Variants in NEO1 observed in about 807,000 individuals in gnomAD.
NEO1 encodes the protein neogenin.
Under a neutral mutation model 159.7 loss-of-function variants are expected in NEO1, and 63 were observed. The observed-to-expected ratio is 0.39, with a 90% CI of 0.32 to 0.49. The LOEUF is 0.49. Ranked by LOEUF, NEO1 falls within the 20% of genes least tolerant of loss-of-function variation. The pLI is 0.85. For synonymous variants in NEO1, 633 were observed against 662.0 expected (o/e 0.96, Z 0.67); for missense variants, 1,615 against 1,831.0 (o/e 0.88, Z 2.15).
At chr15:73,250,835 A>G (rs2150943838) in intron 11 of NEO1, among the ~76,000 whole-genome samples, 1 of 152,344 alleles carries the variant, frequency 6.6e-6, no homozygotes, top group East Asian at 1.9e-4. Flanking sequence ...CACTATTGGT[A>G]TAATTACTTA....
intron 11 of NEO1, among the ~76,000 whole-genome samples, chr15:73,251,639 TTACTG>T (rs1404795051): frequency 2.0e-5 from 3 of 151,886 alleles, no homozygotes; most frequent in African/African-American, 7.3e-5. Flanking sequence ...AAAAAAATGT[TTACTG>T]TAGGCTGTTA....
At chr15:73,088,857 TAA>T (rs1195769350) in intron 1 of NEO1, among the ~76,000 whole-genome samples, 1 of 151,574 alleles carries the variant, frequency 6.6e-6, no homozygotes, top group Non-Finnish European at 1.5e-5. Context: ...TAAGAGAGAG[TAA>T]AGTCTTGAGG....
intron 25 of NEO1, among the ~76,000 whole-genome samples, chr15:73,291,163 G>A (rs977501646): frequency 2.0e-5 from 3 of 152,106 alleles, no homozygotes; most frequent in African/African-American, 7.2e-5. Context: ...CCCAAGAAGA[G>A]TAAATTAATC....
At chr15:73,274,111 A>AT (rs2041297791) in intron 20 of NEO1, 106 bp downstream of exon 20, 1 of 1,070,772 alleles carries the variant, frequency 9.3e-7, no homozygotes, top group African/African-American at 1.6e-5. Context: ...TGAAGTCTTA[A>AT]TGATGAGCTT....
chr15:73,092,512 C>A (rs1460806134), intron 1 of NEO1, among the ~76,000 whole-genome samples: 1 of 152,096 alleles, frequency 6.6e-6, no homozygotes, highest in East Asian at 1.9e-4. Context: ...TGAAAATGTT[C>A]ATTTTTAAAT....
At chr15:73,255,308 G>C (rs1327848795) in intron 13 of NEO1, 1 of 152,758 alleles carries the variant, frequency 6.5e-6, no homozygotes, top group Non-Finnish European at 1.5e-5. Flanking sequence ...TAAAGTTTTA[G>C]AAAATACTAT....
intron 1 of NEO1, among the ~76,000 whole-genome samples, chr15:73,099,522 C>T (rs980682780): frequency 6.6e-6 from 1 of 152,120 alleles, no homozygotes; most frequent in Non-Finnish European, 1.5e-5. Context: ...ATATAAGATT[C>T]ATTATTAAGG....
chr15:73,270,155 C>T lies in NEO1; in HGVS notation c.2640C>T (p.Pro880=). 6.2e-7 allele frequency: 1 copy of T among 1,614,096 alleles called. No individual in the cohort carries two copies. The highest frequency in any genetic ancestry group is 8.5e-7 in the Non-Finnish European group (1 of 1,180,030). Residue 880 remains proline, a synonymous_variant, in exon 17 of 29, where the codon CCC becomes CCT. Coordinates refer to ENST00000261908, the MANE Select transcript of NEO1 (RefSeq NM_002499.4). ...IRITWADNSL[P]KHQKITDSRY... ...TTACGTGGGCAGACAACTCGCTGCC[C>T]AAGCACCAGAAGATTACAGACTCCC...
intron 1 of NEO1, among the ~76,000 whole-genome samples, chr15:73,077,450 A>G (rs1179903925): frequency 6.6e-6 from 1 of 152,240 alleles, no homozygotes; most frequent in Non-Finnish European, 1.5e-5. Context: ...TTTCACAGAG[A>G]AGAACACATA....
intron 5 of NEO1, among the ~76,000 whole-genome samples, chr15:73,154,082 T>C (rs1348675757): frequency 2.6e-5 from 4 of 152,190 alleles, no homozygotes; most frequent in Admixed American, 2.0e-4. Flanking sequence ...AACAAGAAAG[T>C]ATTTTCACAT....
In NEO1 at chr15:73,218,901, G is replaced by GT. The variant is rs995798354; in HGVS notation, c.1292-17440dup. On this transcript the variant is annotated intron_variant, in intron 7 of 28. Coordinates refer to ENST00000261908, the MANE Select transcript of NEO1 (RefSeq NM_002499.4). ...CCTGGATTCATTAATTTTTTGAAGG[G>GT]TTTTTTGTATCTCTATCTCCTTCAG... Among the ~76,000 whole-genome samples the GT allele has an allele frequency of 4.8e-3, 736 of 152,202 alleles. 16 individuals carry two copies. Among genetic ancestry groups the GT allele is most frequent in the African/African-American group, 0.016 (679 of 41,506 alleles).
chr15:73,124,429 T>G (rs1163661894), intron 3 of NEO1, among the ~76,000 whole-genome samples: 1 of 152,168 alleles, frequency 6.6e-6, no homozygotes, highest in Non-Finnish European at 1.5e-5. Flanking sequence ...TCCATGTCAT[T>G]CAGAGTTAAA....
At chr15:73,139,375 A>G (rs1283141444) in intron 5 of NEO1, among the ~76,000 whole-genome samples, 2 of 152,230 alleles carry the variant, frequency 1.3e-5, no homozygotes, top group African/African-American at 2.4e-5. Flanking sequence ...GAAACAATCA[A>G]CAGTGAAGAG....
intron 4 of NEO1, among the ~76,000 whole-genome samples, chr15:73,132,714 G>T (rs2031286178): frequency 6.6e-6 from 1 of 152,136 alleles, no homozygotes; most frequent in African/African-American, 2.4e-5. Context: ...CCATCAAAAA[G>T]TGGGCTAAGG....
rs1200718911 is a variant in NEO1 at position 73,089,383 on chromosome 15, TA to T, written c.131-27156del. On this transcript the variant is annotated intron_variant, in intron 1 of 28. Transcript: ENST00000261908. ...TAGAGAAAAAATATCTCCTAGGCAATATTTTTTTTTCTGCATATAAATGAAA... is the reference window on the plus strand; with the variant it reads ...TAGAGAAAAAATATCTCCTAGGCAATTTTTTTTTTCTGCATATAAATGAAA... Among the ~76,000 whole-genome samples, 10 of 152,246 alleles carry T rather than the reference TA, an allele frequency of 6.6e-5. No individual in the cohort carries two copies. In the South Asian group the frequency reaches 1.5e-3, roughly 22 times the overall value.
chr15:73,259,814 A>T (rs770919644), intron 14 of NEO1, among the ~76,000 whole-genome samples: 1 of 152,172 alleles, frequency 6.6e-6, no homozygotes, highest in Non-Finnish European at 1.5e-5. Context: ...CATACTACTT[A>T]GGGGAGTAAA....
chr15:73,067,721 A>G (rs2068294761), intron 1 of NEO1, among the ~76,000 whole-genome samples: 1 of 143,266 alleles, frequency 7.0e-6, no homozygotes, highest in Non-Finnish European at 1.5e-5. Context: ...GGTTCACGCC[A>G]TTCTCCTGCC....
At chr15:73,071,386 A>G (rs184339441) in intron 1 of NEO1, among the ~76,000 whole-genome samples, 253 of 152,350 alleles carry the variant, frequency 1.7e-3, no homozygotes, top group African/African-American at 5.7e-3. Flanking sequence ...AACATTTTCT[A>G]AGTGCTGATT....
intron 16 of NEO1, among the ~76,000 whole-genome samples, chr15:73,267,836 T>C (rs529008880): frequency 6.6e-6 from 1 of 152,284 alleles, no homozygotes; most frequent in East Asian, 1.9e-4. Flanking sequence ...AGTTATAAAT[T>C]TTTTAAAAGG....
Sources: allele counts gnomAD v4.1 joint callset (sites outside exome capture counted in the v4.1 genomes callset), GRCh38; gene constraint gnomAD v4.1.1; transcripts MANE v1.5; gene names NCBI Gene and HGNC (gene_info 2026-07-23, HGNC 2026-07-21).